Variants in MPPED2 observed in about 807,000 individuals in gnomAD.
MPPED2 encodes metallophosphoesterase domain containing 2.
A neutral mutation model predicts 33.0 loss-of-function variants in MPPED2; 5 were observed. The ratio of observed to expected loss-of-function variants is 0.15; its 90% CI spans 0.08 to 0.32. The LOEUF (loss-of-function observed/expected upper bound fraction) is 0.32, where lower values mean the gene tolerates loss of function less well. Ranked by LOEUF, MPPED2 falls within the 10% of genes least tolerant of loss-of-function variation. MPPED2 has a pLI of 1.00. For synonymous variants in MPPED2, 136 were observed against 141.9 expected (o/e 0.96, Z 0.29); for missense variants, 275 against 372.1 (o/e 0.74, Z 2.15).
At chr11:30,486,666 C>T (rs1466145360) in intron 4 of MPPED2, among the ~76,000 whole-genome samples, 2 of 152,118 alleles carry the variant, frequency 1.3e-5, no homozygotes, top group East Asian at 1.9e-4. Flanking sequence ...CTCTCACTGC[C>T]GTACTGTGAG....
intron 3 of MPPED2, among the ~76,000 whole-genome samples, chr11:30,515,667 C>T (rs1330555263): frequency 2.0e-5 from 3 of 152,192 alleles, no homozygotes; most frequent in African/African-American, 7.2e-5. Context: ...TTTAGCATCA[C>T]AAACCAAAGT....
intron 4 of MPPED2, among the ~76,000 whole-genome samples, chr11:30,462,617 T>C (rs569442626): frequency 6.6e-6 from 1 of 152,328 alleles, no homozygotes; most frequent in Non-Finnish European, 1.5e-5. Flanking sequence ...TGGCCAGCAA[T>C]CTATTTTCCT....
At chr11:30,395,683 A>G (rs1947831948) in intron 6 of MPPED2, among the ~76,000 whole-genome samples, 1 of 152,214 alleles carries the variant, frequency 6.6e-6, no homozygotes, top group Non-Finnish European at 1.5e-5. Flanking sequence ...TGAGTTAATA[A>G]TCTAAGAGTA....
At chr11:30,554,657 G>A (rs1410764340) in intron 2 of MPPED2, among the ~76,000 whole-genome samples, 2 of 152,008 alleles carry the variant, frequency 1.3e-5, no homozygotes, top group Non-Finnish European at 2.9e-5. Context: ...ACGACGCCCA[G>A]CTAATTTTTG....
At chr11:30,527,687 G>T (rs1226418082) in intron 3 of MPPED2, among the ~76,000 whole-genome samples, 1 of 152,156 alleles carries the variant, frequency 6.6e-6, no homozygotes, top group Non-Finnish European at 1.5e-5. Context: ...TGGTGGCCAG[G>T]TAGGGCCACT....
At chr11:30,483,823 T>C (rs1025778674) in intron 4 of MPPED2, among the ~76,000 whole-genome samples, 6 of 152,156 alleles carry the variant, frequency 3.9e-5, no homozygotes, top group African/African-American at 1.2e-4. Context: ...AGTCAGTATA[T>C]CCTATTAGGT....
chr11:30,396,258 G>A (rs1947839016), intron 6 of MPPED2, among the ~76,000 whole-genome samples: 1 of 152,068 alleles, frequency 6.6e-6, no homozygotes, highest in South Asian at 2.1e-4. Flanking sequence ...CCCCTCAGAA[G>A]CCTTTTGAAT....
chr11:30,500,167 A>AT (rs1952491121), intron 3 of MPPED2, among the ~76,000 whole-genome samples: 1 of 151,964 alleles, frequency 6.6e-6, no homozygotes, highest in African/African-American at 2.4e-5. Context: ...GTGACTAATA[A>AT]CCTCCTAATG....
chr11:30,482,100 A>G, intron 4 of MPPED2, among the ~76,000 whole-genome samples: 1 of 152,160 alleles, frequency 6.6e-6, no homozygotes, highest in East Asian at 1.9e-4. Flanking sequence ...TTTCTTCCTG[A>G]CTGTAAAAAT....
chr11:30,438,202 T>C (rs1949408617), intron 4 of MPPED2, among the ~76,000 whole-genome samples: 1 of 152,198 alleles, frequency 6.6e-6, no homozygotes, highest in South Asian at 2.1e-4. Context: ...AAGGAGTTCA[T>C]GATCCAGTAA....
chr11:30,452,170 A>G lies in MPPED2; in HGVS notation c.537-34537T>C, dbSNP rs1230439601. 3 of 845,492 alleles carry G rather than the reference A, an allele frequency of 3.5e-6. No homozygotes were observed. The Admixed American group carries it at 1.9e-4, about 53-fold the overall frequency. 52.4% of individuals were successfully genotyped at this position (845,492 alleles called of 1,614,324 possible). A position where few individuals can be genotyped will look rare whatever the true frequency, so the allele number is the denominator to read the frequency against. On this transcript the variant is annotated intron_variant, in intron 4 of 6. Coordinates refer to ENST00000358117, the MANE Select transcript of MPPED2 (RefSeq NM_001584.3). ...TCTCACTGCCTAAGACTAAACTCCA[A>G]ATTCTTGAGCTCCAAACAGAATCCT...
intron 2 of MPPED2, among the ~76,000 whole-genome samples, chr11:30,580,000 A>T (rs1957093753): frequency 6.6e-6 from 1 of 152,162 alleles, no homozygotes; most frequent in Admixed American, 6.5e-5. Context: ...GGGGCAACCA[A>T]CCACCAGTCC....
downstream of MPPED2, among the ~76,000 whole-genome samples, chr11:30,405,497 A>G (rs1947975333): frequency 6.6e-6 from 1 of 152,198 alleles, no homozygotes; most frequent in African/African-American, 2.4e-5. Flanking sequence ...TTATCCAGAT[A>G]TAGATGCTGT....
chr11:30,554,649 G>A (rs1377888785), intron 2 of MPPED2, among the ~76,000 whole-genome samples: 6 of 151,782 alleles, frequency 4.0e-5, no homozygotes, highest in Admixed American at 1.3e-4. Context: ...GGCCTGCCAC[G>A]ACGCCCAGCT....
At chr11:30,393,897 A>C (rs1565030511) in intron 6 of MPPED2, among the ~76,000 whole-genome samples, 1 of 152,202 alleles carries the variant, frequency 6.6e-6, no homozygotes, top group Admixed American at 6.5e-5. Flanking sequence ...TCGGGATACA[A>C]AACAATTTTG....
rs1364248977 is a variant in MPPED2 at position 30,451,424 on chromosome 11, G to T, written c.537-33791C>A. Among the ~76,000 whole-genome samples the T allele has an allele frequency of 2.0e-5, 3 of 152,220 alleles. No individual in the cohort carries two copies. In the East Asian group the frequency reaches 5.8e-4, roughly 29 times the overall value. On this transcript the variant is annotated intron_variant, in intron 4 of 6. Coordinates refer to ENST00000358117, the MANE Select transcript of MPPED2 (RefSeq NM_001584.3). ...GTTTGAAGTGAGAGCTCAGACTGAG[G>T]GATGTGGTCTTTGCCAGAGGCAATA...
intron 4 of MPPED2, among the ~76,000 whole-genome samples, chr11:30,475,663 T>G (rs1036744035): frequency 6.6e-6 from 1 of 152,198 alleles, no homozygotes; most frequent in Non-Finnish European, 1.5e-5. Flanking sequence ...AGTATTCCAA[T>G]GTACAGGTTG....
chr11:30,470,074 T>C (rs905716117), intron 4 of MPPED2, among the ~76,000 whole-genome samples: 1 of 152,240 alleles, frequency 6.6e-6, no homozygotes, highest in African/African-American at 2.4e-5. Context: ...TCCATGTTAA[T>C]CACTTTATCC....
At chr11:30,568,689 C>A (rs375105937) in intron 2 of MPPED2, among the ~76,000 whole-genome samples, 10 of 152,232 alleles carry the variant, frequency 6.6e-5, no homozygotes, top group African/African-American at 2.4e-4. Flanking sequence ...ATACAAAAAA[C>A]GCAATTATGG....
Sources: allele counts gnomAD v4.1 joint callset (sites outside exome capture counted in the v4.1 genomes callset), GRCh38; gene constraint gnomAD v4.1.1; transcripts MANE v1.5; gene names NCBI Gene and HGNC (gene_info 2026-07-23, HGNC 2026-07-21).